The following GABRB3 variants were observed in gnomAD, a reference collection of about 807,000 sequenced individuals.
The protein encoded by GABRB3 is gamma-aminobutyric acid receptor subunit beta-3.
Under a neutral mutation model 52.1 loss-of-function variants are expected in GABRB3, and 14 were observed. The ratio of observed to expected loss-of-function variants is 0.27; its 90% CI spans 0.18 to 0.42. The LOEUF (loss-of-function observed/expected upper bound fraction) is 0.42. Among genes scored for constraint, GABRB3 ranks in the 10% least tolerant of loss-of-function variants. The probability of loss-of-function intolerance (pLI) is 1.00; values close to 1 mark genes in which losing one functional copy is unlikely to be tolerated. For synonymous variants in GABRB3, 260 were observed against 232.3 expected (o/e 1.12, Z -1.08); for missense variants, 307 against 609.1 (o/e 0.50, Z 5.22).
chr15:26,600,385 G>T (rs532727914), intron 4 of GABRB3, among the ~76,000 whole-genome samples: 1 of 151,964 alleles, frequency 6.6e-6, no homozygotes, highest in East Asian at 2.0e-4. Flanking sequence ...AAATACAGAA[G>T]TCACCAATCA....
chr15:26,698,582 C>CA (rs1246155714), intron 3 of GABRB3, among the ~76,000 whole-genome samples: 1 of 151,982 alleles, frequency 6.6e-6, no homozygotes, highest in Non-Finnish European at 1.5e-5. Flanking sequence ...ATTTTAATGA[C>CA]AAAAAGTATA....
At chr15:26,616,109 C>A in intron 4 of GABRB3, 2 of 1,280,386 alleles carry the variant, frequency 1.6e-6, no homozygotes, top group Non-Finnish European at 2.0e-6. Flanking sequence ...CACACTGGCC[C>A]ACTCCGGGCC....
chr15:26,573,255 C>A (rs1890473814), intron 6 of GABRB3, among the ~76,000 whole-genome samples: 1 of 152,102 alleles, frequency 6.6e-6, no homozygotes. Context: ...CATTTATTAT[C>A]TATCTTTTAC....
chr15:26,700,556 G>A (rs1888895503), intron 3 of GABRB3, among the ~76,000 whole-genome samples: 1 of 152,128 alleles, frequency 6.6e-6, no homozygotes, highest in Non-Finnish European at 1.5e-5. Context: ...TGAACATTTT[G>A]GCAGAAGTTT....
At chr15:26,767,428 G>T (rs1891027660) in intron 3 of GABRB3, among the ~76,000 whole-genome samples, 1 of 152,144 alleles carries the variant, frequency 6.6e-6, no homozygotes, top group Non-Finnish European at 1.5e-5. Flanking sequence ...TAGTGTGGGT[G>T]TCCTCACTGA....
chr15:26,625,596 G>A (rs867363019), intron 3 of GABRB3: 5 of 503,622 alleles, frequency 9.9e-6, no homozygotes, highest in South Asian at 1.7e-4. Flanking sequence ...AATAGCAGAG[G>A]GGACACTGGA....
intron 7 of GABRB3, among the ~76,000 whole-genome samples, chr15:26,563,718 T>C (rs1890068047): frequency 6.6e-6 from 1 of 152,340 alleles, no homozygotes; most frequent in Middle Eastern, 3.4e-3. Context: ...TTCCTGGCCT[T>C]GCCTTGACCT....
At chr15:26,768,155 A>G (rs1267457701) in intron 3 of GABRB3, among the ~76,000 whole-genome samples, 3 of 152,212 alleles carry the variant, frequency 2.0e-5, no homozygotes, top group Non-Finnish European at 4.4e-5. Flanking sequence ...TAATTTTTAA[A>G]AACAAAAAAC....
chr15:26,624,653 A>C, intron 3 of GABRB3: 2 of 985,530 alleles, frequency 2.0e-6, no homozygotes, highest in Non-Finnish European at 2.4e-6. Flanking sequence ...GCAAGAGGGA[A>C]AAAACAGTAT....
chr15:26,681,748 G>A (rs1888247406), intron 3 of GABRB3, among the ~76,000 whole-genome samples: 1 of 152,150 alleles, frequency 6.6e-6, no homozygotes, highest in South Asian at 2.1e-4. Flanking sequence ...AATAGCTTGA[G>A]GCCAGGAGTT....
At chr15:26,556,578 G>A (rs1208617592) in intron 8 of GABRB3, among the ~76,000 whole-genome samples, 1 of 152,148 alleles carries the variant, frequency 6.6e-6, no homozygotes, top group Non-Finnish European at 1.5e-5. Context: ...CTTGGGTATA[G>A]AAACAACTCA....
chr15:26,717,957 A>G (rs550188204), intron 3 of GABRB3, among the ~76,000 whole-genome samples: 10 of 152,332 alleles, frequency 6.6e-5, no homozygotes, highest in Non-Finnish European at 1.5e-5. Context: ...CACTTCTGCA[A>G]GTACTTCCAC....
intron 3 of GABRB3, among the ~76,000 whole-genome samples, chr15:26,738,319 T>C (rs993802192): frequency 1.3e-5 from 2 of 152,038 alleles, no homozygotes; most frequent in African/African-American, 2.4e-5. Flanking sequence ...CTGACCTCAG[T>C]TGATCCACCC....
At chr15:26,615,155 C>T (rs778337573) in intron 4 of GABRB3, 2 of 399,170 alleles carry the variant, frequency 5.0e-6, no homozygotes, top group Non-Finnish European at 6.8e-6. Context: ...GATAACTCTG[C>T]CTTTTTACAA....
At chr15:26,725,816 T>C (rs1242492899) in intron 3 of GABRB3, among the ~76,000 whole-genome samples, 1 of 152,210 alleles carries the variant, frequency 6.6e-6, no homozygotes, top group Non-Finnish European at 1.5e-5. Flanking sequence ...ACATTTTTAA[T>C]ATTTAATAAT....
chr15:26,561,255 T>C, intron 7 of GABRB3, 79 bp from the exon 8 acceptor site: 1 of 1,593,526 alleles, frequency 6.3e-7, no homozygotes, highest in Non-Finnish European at 8.5e-7. Flanking sequence ...TTATGTTTTC[T>C]CAAACAGCTT....
chr15:26,628,490 G>A (rs961428901), intron 3 of GABRB3, among the ~76,000 whole-genome samples: 1 of 152,146 alleles, frequency 6.6e-6, no homozygotes, highest in African/African-American at 2.4e-5. Context: ...AGAAAAAGAA[G>A]CCACTTCTGG....
intron 8 of GABRB3, among the ~76,000 whole-genome samples, chr15:26,550,561 C>T (rs917884625): frequency 1.3e-5 from 2 of 152,124 alleles, no homozygotes; most frequent in African/African-American, 4.8e-5. Context: ...ATTAGTACAG[C>T]CATTATGGAA....
intron 3 of GABRB3, among the ~76,000 whole-genome samples, chr15:26,635,409 A>G (rs953180374): frequency 1.3e-5 from 2 of 151,964 alleles, no homozygotes; most frequent in African/African-American, 4.8e-5. Flanking sequence ...TTAAATAGTG[A>G]TGGTCCTCTC....
Sources: gnomAD v4.1 joint callset for allele counts (sites outside exome capture counted in the v4.1 genomes callset) on GRCh38, gnomAD v4.1.1 for gene constraint, MANE v1.5 for transcripts, NCBI Gene and HGNC (gene_info 2026-07-23, HGNC 2026-07-21) for gene names.